HACE1: variants seen among roughly 807,000 people sequenced by gnomAD.
HACE1 encodes the protein HECT domain and ankyrin repeat containing E3 ubiquitin protein ligase 1, also known as E3 ubiquitin-protein ligase HACE1.
A neutral mutation model predicts 118.4 loss-of-function variants in HACE1; 73 were observed. That is an observed-to-expected ratio of 0.62 (90% CI 0.51 to 0.75). The LOEUF is 0.75. Ranked by LOEUF, HACE1 falls within the 30% of genes least tolerant of loss-of-function variation. HACE1 has a pLI of 0.00. For synonymous variants in HACE1, 368 were observed against 374.8 expected (o/e 0.98, Z 0.21); for missense variants, 749 against 1,102.2 (o/e 0.68, Z 4.54).
intron 6 of HACE1, among the ~76,000 whole-genome samples, chr6:104,825,637 G>A (rs909728972): frequency 2.6e-5 from 4 of 152,118 alleles, no homozygotes; most frequent in Non-Finnish European, 5.9e-5. Context: ...TTGATTGCAG[G>A]CCACCACTTC....
At chr6:104,797,204 C>T (rs1274951647) in intron 7 of HACE1, among the ~76,000 whole-genome samples, 179 bp from the exon 8 acceptor site, 1 of 152,112 alleles carries the variant, frequency 6.6e-6, no homozygotes, top group Non-Finnish European at 1.5e-5. Context: ...GCTTTCACTA[C>T]GTAGACCAGA....
At chr6:104,790,170 TA>T (rs1782876276) in intron 11 of HACE1, among the ~76,000 whole-genome samples, 1 of 151,586 alleles carries the variant, frequency 6.6e-6, no homozygotes, top group South Asian at 2.1e-4. Flanking sequence ...TTAAAGAGAG[TA>T]AAACAGATGG....
At chr6:104,837,242 C>G (rs1021033562) in intron 5 of HACE1, among the ~76,000 whole-genome samples, 1 of 152,200 alleles carries the variant, frequency 6.6e-6, no homozygotes, top group Non-Finnish European at 1.5e-5. Flanking sequence ...TTAAGACTTA[C>G]AGCTACAGTA....
At chr6:104,765,981 G>A (rs2114675940) in intron 19 of HACE1, among the ~76,000 whole-genome samples, 1 of 152,250 alleles carries the variant, frequency 6.6e-6, no homozygotes, top group Admixed American at 6.5e-5. Context: ...GACTTTCTGT[G>A]CTACGGATAA....
intron 14 of HACE1, among the ~76,000 whole-genome samples, chr6:104,780,906 C>A (rs1242040312): frequency 6.6e-6 from 1 of 152,126 alleles, no homozygotes; most frequent in African/African-American, 2.4e-5. Context: ...GTCTTTAAAA[C>A]TGACTGCAGG....
intron 7 of HACE1, 44 bp downstream of exon 7, chr6:104,811,267 T>TATATATATATAC (rs1771588627): frequency 2.0e-6 from 1 of 500,822 alleles, no homozygotes; most frequent in Non-Finnish European, 3.8e-6. Flanking sequence ...TATATATATA[T>TATATATATATAC]ATATATGAGC....
intron 22 of HACE1, among the ~76,000 whole-genome samples, chr6:104,734,873 T>G (rs1213732626): frequency 1.3e-5 from 2 of 152,190 alleles, no homozygotes; most frequent in Non-Finnish European, 2.9e-5. Flanking sequence ...TCTTAAAGAC[T>G]CATACTGACC....
intron 3 of HACE1, among the ~76,000 whole-genome samples, chr6:104,849,508 T>TTA (rs1554263955): frequency 6.7e-6 from 1 of 150,328 alleles, no homozygotes; most frequent in African/African-American, 2.4e-5. Flanking sequence ...TGGGTAATTT[T>TTA]TTTTTTTTTT....
At chr6:104,801,528 C>T (rs1017461674) in intron 7 of HACE1, among the ~76,000 whole-genome samples, 30 of 152,206 alleles carry the variant, frequency 2.0e-4, no homozygotes, top group African/African-American at 7.2e-4. Context: ...TCGGCAGAAA[C>T]TCTACAAGCC....
At chr6:104,859,077 C>T (rs1777035771) in intron 1 of HACE1, among the ~76,000 whole-genome samples, 1 of 152,194 alleles carries the variant, frequency 6.6e-6, no homozygotes, top group African/African-American at 2.4e-5. Context: ...TGTTTGACAA[C>T]CCTTTGTTTG....
chr6:104,805,259 A>T (rs1770862006), intron 7 of HACE1, among the ~76,000 whole-genome samples: 1 of 152,190 alleles, frequency 6.6e-6, no homozygotes, highest in African/African-American at 2.4e-5. Flanking sequence ...TGTTGGTGGG[A>T]GTGTAAATTA....
At chr6:104,858,651 GT>G in intron 1 of HACE1, 1 of 191,606 alleles carries the variant, frequency 5.2e-6, no homozygotes, top group East Asian at 1.8e-4. Context: ...TTCAAAGAGA[GT>G]TTTGAAAAAG....
chr6:104,745,717 A>G (rs1427586488), intron 20 of HACE1, among the ~76,000 whole-genome samples: 1 of 152,112 alleles, frequency 6.6e-6, no homozygotes, highest in Non-Finnish European at 1.5e-5. Context: ...CTGGGATTAC[A>G]GGCGTGAACC....
At chr6:104,837,712 C>G (rs1413963634) in intron 5 of HACE1, among the ~76,000 whole-genome samples, 1 of 152,058 alleles carries the variant, frequency 6.6e-6, no homozygotes, top group African/African-American at 2.4e-5. Context: ...TACTGGAAGA[C>G]CTAGCTAGAG....
intron 6 of HACE1, among the ~76,000 whole-genome samples, chr6:104,817,768 C>A (rs1011693798): frequency 1.3e-5 from 2 of 152,142 alleles, no homozygotes; most frequent in Non-Finnish European, 2.9e-5. Flanking sequence ...CAAAAAAGAA[C>A]GTTATTACAG....
intron 19 of HACE1, among the ~76,000 whole-genome samples, chr6:104,770,649 G>A (rs1174446212): frequency 6.6e-6 from 1 of 152,104 alleles, no homozygotes; most frequent in African/African-American, 2.4e-5. Flanking sequence ...AACCCAGGAG[G>A]CAGAGGTTGC....
At chr6:104,776,928 C>A in intron 16 of HACE1, 85 bp downstream of exon 16, 1 of 1,276,326 alleles carries the variant, frequency 7.8e-7, no homozygotes, top group African/African-American at 1.5e-5. Context: ...CTTCCTTTAT[C>A]AACTAAATAT....
Position 104,729,610 on chromosome 6 carries a change from T to C in HACE1, c.*52A>G. Reference sequence around the variant, plus strand: ...TTTTGTTGACATTTTCCCAAATTACTTCTGCCATTCTGAATTGTGCATCAG... The same window carrying C: ...TTTTGTTGACATTTTCCCAAATTACCTCTGCCATTCTGAATTGTGCATCAG... On this transcript the variant is annotated 3_prime_UTR_variant, in exon 24 of 24. Transcript: ENST00000262903. 1.1e-6 allele frequency: 1 copy of C among 904,930 alleles called. No homozygotes were observed. Among genetic ancestry groups the C allele is most frequent in the Admixed American group, 1.7e-5 (1 of 59,060 alleles). 56.1% of individuals were successfully genotyped at this position (904,930 alleles called of 1,614,324 possible).
chr6:104,796,531 C>A (rs1203776067), intron 9 of HACE1, 124 bp downstream of exon 9: 6 of 697,640 alleles, frequency 8.6e-6, no homozygotes, highest in Non-Finnish European at 1.6e-5. Flanking sequence ...TGCAGATAAG[C>A]TAATTATTAA....
Sources: gnomAD v4.1 joint callset for allele counts (sites outside exome capture counted in the v4.1 genomes callset) on GRCh38, gnomAD v4.1.1 for gene constraint, MANE v1.5 for transcripts, NCBI Gene and HGNC (gene_info 2026-07-23, HGNC 2026-07-21) for gene names.